Variants in PRICKLE2 observed in about 807,000 individuals in gnomAD.
PRICKLE2 encodes the protein prickle planar cell polarity protein 2, also known as prickle-like protein 2.
PRICKLE2 carries 21 observed loss-of-function variants against 81.4 expected under a neutral mutation model. The observed-to-expected ratio is 0.26, with a 90% CI of 0.18 to 0.37. The LOEUF (loss-of-function observed/expected upper bound fraction) is 0.37. Ranked by LOEUF, PRICKLE2 falls within the 10% of genes least tolerant of loss-of-function variation. The pLI is 1.00. For synonymous variants in PRICKLE2, 456 were observed against 421.5 expected, an observed-to-expected ratio of 1.08 and a Z score of -1.00; for missense variants, 940 against 1,109.0, an observed-to-expected ratio of 0.85 and a Z score of 2.16.
At chr3:64,161,423 T>C (rs941846517) in intron 3 of PRICKLE2, among the ~76,000 whole-genome samples, 9 of 152,168 alleles carry the variant, frequency 5.9e-5, no homozygotes, top group Admixed American at 1.3e-4. Context: ...ACTAGGACTG[T>C]CACATCCTAA....
rs2078471884 is a variant in PRICKLE2, at chr3:64,197,231, G to T, written c.144+1553C>A. ...TGCTGCAATGAACATACGTGTGCAT[G>T]TGTCTTTACAATAGAATGATTTATA... On this transcript the variant is annotated intron_variant, in intron 2 of 7. Coordinates refer to ENST00000638394, the MANE Select transcript of PRICKLE2 (RefSeq NM_198859.4). Among the ~76,000 whole-genome samples the T allele has an allele frequency of 2.6e-5, 4 of 152,162 alleles. No individual in the cohort carries two copies. In the South Asian group the frequency reaches 8.3e-4, roughly 32 times the overall value.
chr3:64,117,584 A>G (rs1230174135), intron 7 of PRICKLE2, among the ~76,000 whole-genome samples: 2 of 152,158 alleles, frequency 1.3e-5, no homozygotes, highest in African/African-American at 4.8e-5. Flanking sequence ...CAGATCGGAA[A>G]TGAACTCCCA....
rs1156828374 is a variant in PRICKLE2 at position 64,225,352 on chromosome 3, A to T, written c.-483T>A. 1.0e-6 allele frequency: 1 copy of T among 985,278 alleles called. No individual in the cohort carries two copies. Among genetic ancestry groups the T allele is most frequent in the Non-Finnish European group, 1.2e-6 (1 of 829,962 alleles). The allele number at this position is 985,278 out of a possible 1,614,324, so 61.0% of individuals were successfully genotyped here. A position where few individuals can be genotyped will look rare whatever the true frequency, so the allele number is the denominator to read the frequency against. The stretch of plus-strand genomic sequence containing the variant: ...ATCCTGAGCCAGACCCGGGGTGACT[A>T]GTCAGCTGCTCACAGAGCTCAAGCC... On this transcript the variant is annotated 5_prime_UTR_variant, in exon 1 of 8. Transcript: ENST00000638394.
At position 64,142,031 on chromosome 3, in the gene PRICKLE2, T is replaced by G. The variant is rs938215028; in HGVS notation, c.1660+4799A>C. 18 of 801,114 alleles carry G rather than the reference T, an allele frequency of 2.2e-5. No individual in the cohort carries two copies. In the African/African-American group the frequency reaches 3.4e-4, roughly 15 times the overall value. 49.6% of individuals were successfully genotyped at this position (801,114 alleles called of 1,614,324 possible). The stretch of plus-strand genomic sequence containing the variant: ...TGAATTTTCTAGCAAAATTCAAATG[T>G]AAACAGTGAGGGACAGCAGCAAAAA... On this transcript the variant is annotated intron_variant, in intron 7 of 7. Transcript: ENST00000638394.
intron 7 of PRICKLE2, chr3:64,146,160 A>G (rs1041430445): frequency 6.5e-6 from 1 of 152,694 alleles, no homozygotes; most frequent in African/African-American, 2.4e-5. Flanking sequence ...TCGTCACAAG[A>G]AGCAATTGAT....
At chr3:64,104,265 G>A (rs924217359) in intron 7 of PRICKLE2, among the ~76,000 whole-genome samples, 4 of 152,172 alleles carry the variant, frequency 2.6e-5, no homozygotes, top group Admixed American at 2.6e-4. Context: ...GAGAGGAGAG[G>A]ATAACAACCT....
At chr3:64,136,050 G>A (rs750404753) in intron 7 of PRICKLE2, among the ~76,000 whole-genome samples, 1 of 152,082 alleles carries the variant, frequency 6.6e-6, no homozygotes, top group Non-Finnish European at 1.5e-5. Flanking sequence ...TCCATACTAT[G>A]TAATTAAGAT....
At chr3:64,250,659 C>T (rs146336926) in intron 2 of PRICKLE2, among the ~76,000 whole-genome samples, 2 of 152,212 alleles carry the variant, frequency 1.3e-5, no homozygotes, top group Admixed American at 6.5e-5. Flanking sequence ...TTGGTTTATA[C>T]TGGTTTGACT....
chr3:64,120,861 T>C (rs981915098), intron 7 of PRICKLE2, among the ~76,000 whole-genome samples: 6 of 152,196 alleles, frequency 3.9e-5, no homozygotes, highest in Admixed American at 6.5e-5. Context: ...CTTTGCACTA[T>C]GCCGTGTCCT....
chr3:64,239,662 A>G (rs1210073850), intron 2 of PRICKLE2, among the ~76,000 whole-genome samples: 1 of 152,206 alleles, frequency 6.6e-6, no homozygotes, highest in Non-Finnish European at 1.5e-5. Flanking sequence ...ACACAAATCT[A>G]ATTCAACCCT....
intron 2 of PRICKLE2, among the ~76,000 whole-genome samples, chr3:64,242,465 A>G (rs996204383): frequency 2.6e-5 from 4 of 152,274 alleles, no homozygotes; most frequent in African/African-American, 9.6e-5. Context: ...AAGAAAATAC[A>G]TAAATCTTCA....
chr3:64,190,817 G>C (rs964884856), intron 2 of PRICKLE2, among the ~76,000 whole-genome samples: 4 of 152,270 alleles, frequency 2.6e-5, no homozygotes, highest in Middle Eastern at 6.8e-3. Context: ...TTCTTTGTGG[G>C]AAGACTCCCT....
At chr3:64,230,732 C>T (rs1354465267) in intron 2 of PRICKLE2, among the ~76,000 whole-genome samples, 1 of 152,228 alleles carries the variant, frequency 6.6e-6, no homozygotes. Flanking sequence ...TACCTCACCT[C>T]TAAGCCTCAG....
At chr3:64,240,085 G>A (rs571903110) in intron 2 of PRICKLE2, among the ~76,000 whole-genome samples, 101 of 151,930 alleles carry the variant, frequency 6.6e-4, no homozygotes, top group Non-Finnish European at 1.1e-3. Flanking sequence ...TTCACACCAC[G>A]GCACTCCAGC....
At chr3:64,254,885 CCT>C (rs1342635006) in intron 2 of PRICKLE2, among the ~76,000 whole-genome samples, 3 of 152,158 alleles carry the variant, frequency 2.0e-5, no homozygotes, top group Admixed American at 1.3e-4. Context: ...GGCATGTTAA[CCT>C]CTCAACACCA....
At chr3:64,191,467 G>A (rs115649510) in intron 2 of PRICKLE2, among the ~76,000 whole-genome samples, 2,120 of 152,248 alleles carry the variant, frequency 0.014, 42 homozygotes, top group African/African-American at 0.046. Context: ...TCCAAAGTCA[G>A]GTTGTCTGAG....
chr3:64,185,164 C>T (rs185603733), intron 2 of PRICKLE2, among the ~76,000 whole-genome samples: 1 of 152,248 alleles, frequency 6.6e-6, no homozygotes, highest in East Asian at 1.9e-4. Context: ...AAATTATTAC[C>T]TTCTCACCAA....
At chr3:64,169,659 A>C (rs2077897200) in intron 2 of PRICKLE2, among the ~76,000 whole-genome samples, 2 of 152,140 alleles carry the variant, frequency 1.3e-5, no homozygotes, top group East Asian at 3.9e-4. Flanking sequence ...GTAAAGGCCA[A>C]CCCTCCTGAA....
At chr3:64,199,482 A>G (rs1353287662) in intron 1 of PRICKLE2, 1 of 158,080 alleles carries the variant, frequency 6.3e-6, no homozygotes, top group Non-Finnish European at 1.4e-5. Flanking sequence ...TTTAAGAAGA[A>G]GAGCAAACAT....
Sources: allele counts gnomAD v4.1 joint callset (sites outside exome capture counted in the v4.1 genomes callset), GRCh38; gene constraint gnomAD v4.1.1; transcripts MANE v1.5; gene names NCBI Gene and HGNC (gene_info 2026-07-23, HGNC 2026-07-21).